The following ARMH3 variants were observed in gnomAD, a reference collection of about 807,000 sequenced individuals.
ARMH3 encodes the protein armadillo like helical domain containing 3.
A neutral mutation model predicts 99.1 loss-of-function variants in ARMH3; 60 were observed. The ratio of observed to expected loss-of-function variants is 0.61; its 90% CI spans 0.49 to 0.75. ARMH3 has a LOEUF of 0.75. Ranked by LOEUF, ARMH3 falls within the 30% of genes least tolerant of loss-of-function variation. The pLI is 0.00. For missense variants in ARMH3, 679 were observed against 843.1 expected (o/e 0.81, Z 2.41); for synonymous variants, 285 against 292.8 (o/e 0.97, Z 0.27).
intron 8 of ARMH3, 126 bp downstream of exon 8, chr10:102,023,351 T>A (rs2066929887): frequency 1.2e-6 from 1 of 832,796 alleles, no homozygotes; most frequent in African/African-American, 1.7e-5. Flanking sequence ...AGAATCTGGA[T>A]TATCAAAATT....
chr10:102,055,593 G>A (rs2067826436), intron 1 of ARMH3, among the ~76,000 whole-genome samples: 2 of 152,316 alleles, frequency 1.3e-5, no homozygotes, highest in African/African-American at 4.8e-5. Flanking sequence ...GTGGGTTAAA[G>A]CCTGTCAGAG....
intron 25 of ARMH3, among the ~76,000 whole-genome samples, chr10:101,848,705 T>C (rs2066516306): frequency 6.6e-6 from 1 of 152,118 alleles, no homozygotes; most frequent in Non-Finnish European, 1.5e-5. Flanking sequence ...TGAGCAGAAC[T>C]GAGTAAGGCC....
At chr10:101,906,673 G>C (rs1276464703) in intron 23 of ARMH3, among the ~76,000 whole-genome samples, 2 of 152,152 alleles carry the variant, frequency 1.3e-5, no homozygotes, top group African/African-American at 4.8e-5. Context: ...TAATTGGGAA[G>C]GTAAACATAG....
intron 24 of ARMH3, among the ~76,000 whole-genome samples, chr10:101,881,094 A>G (rs1216914481): frequency 6.6e-6 from 1 of 152,230 alleles, no homozygotes; most frequent in Non-Finnish European, 1.5e-5. Context: ...CTACTCCCAC[A>G]AATGAATAAC....
chr10:101,985,076 T>TACAC (rs796894243), intron 19 of ARMH3, among the ~76,000 whole-genome samples: 25,775 of 128,436 alleles, frequency 0.2, 2,534 homozygotes, highest in Non-Finnish European at 0.26. Flanking sequence ...TAAAAATATA[T>TACAC]ATACACACAC....
At chr10:101,998,916 T>C (rs1028528592) in intron 15 of ARMH3, among the ~76,000 whole-genome samples, 6 of 152,168 alleles carry the variant, frequency 3.9e-5, no homozygotes, top group African/African-American at 1.4e-4. Context: ...GCTTCTAAAG[T>C]GGAAATGGTT....
At chr10:101,950,826 T>C (rs942851611) in intron 22 of ARMH3, among the ~76,000 whole-genome samples, 3 of 152,180 alleles carry the variant, frequency 2.0e-5, no homozygotes, top group Non-Finnish European at 2.9e-5. Context: ...TCACCACTCA[T>C]GGGTAGGTTT....
chr10:101,982,938 T>G (rs1195460149), intron 19 of ARMH3, among the ~76,000 whole-genome samples: 2 of 152,122 alleles, frequency 1.3e-5, no homozygotes, highest in Non-Finnish European at 2.9e-5. Context: ...TTGGATCATC[T>G]CGAAACCATC....
chr10:102,019,885 G>A (rs555033751), intron 8 of ARMH3, among the ~76,000 whole-genome samples: 9 of 147,004 alleles, frequency 6.1e-5, no homozygotes, highest in Admixed American at 5.5e-4. Context: ...CCAAGATCAC[G>A]CCACTGCACT....
intron 22 of ARMH3, among the ~76,000 whole-genome samples, chr10:101,950,609 C>T (rs1196221933): frequency 1.3e-5 from 2 of 152,112 alleles, no homozygotes; most frequent in Non-Finnish European, 2.9e-5. Flanking sequence ...TAATATTGTT[C>T]CACAGTAAAA....
At chr10:101,927,872 A>G (rs1337085047) in intron 23 of ARMH3, among the ~76,000 whole-genome samples, 1 of 152,206 alleles carries the variant, frequency 6.6e-6, no homozygotes, top group African/African-American at 2.4e-5. Flanking sequence ...CAGGAGTTCA[A>G]GACCAGCCTG....
chr10:101,902,267 G>A (rs1589991104), intron 23 of ARMH3, among the ~76,000 whole-genome samples: 1 of 152,160 alleles, frequency 6.6e-6, no homozygotes, highest in Admixed American at 6.5e-5. Flanking sequence ...ACAAGGGGAA[G>A]GCTGTTAAGA....
intron 23 of ARMH3, among the ~76,000 whole-genome samples, chr10:101,903,120 A>C (rs2068020444): frequency 6.6e-6 from 1 of 152,330 alleles, no homozygotes; most frequent in Admixed American, 6.5e-5. Context: ...TAATTAAAGA[A>C]CTTTGTTTAT....
intron 23 of ARMH3, among the ~76,000 whole-genome samples, chr10:101,932,975 A>C (rs1843784633): frequency 6.6e-6 from 1 of 152,206 alleles, no homozygotes; most frequent in Admixed American, 6.5e-5. Context: ...TTACGAGGTC[A>C]GGAGATCGAG....
In ARMH3 at chr10:102,037,008, C is replaced by T. The variant is rs926803847; in HGVS notation, c.102+3005G>A. 1.6e-4 allele frequency among the ~76,000 whole-genome samples: 24 copies of T among 151,538 alleles called. 1 individual carries two copies. The highest frequency in any genetic ancestry group is 2.1e-4 in the South Asian group (1 of 4,812). ...TGGAGGCTGTAGTGAGCCGAGATCA[C>T]GCCACTGCACTCCAGCTTGGGCGAC... On this transcript the variant is annotated intron_variant, in intron 2 of 25. Transcript: ENST00000370033.
intron 24 of ARMH3, among the ~76,000 whole-genome samples, chr10:101,863,705 G>A (rs1206715659): frequency 4.6e-5 from 7 of 152,032 alleles, no homozygotes; most frequent in South Asian, 2.1e-4. Context: ...TGAGAGGATC[G>A]CTTGAGCCCA....
chr10:101,988,279 CT>C (rs1846605808), intron 19 of ARMH3, among the ~76,000 whole-genome samples: 1 of 152,258 alleles, frequency 6.6e-6, no homozygotes. Context: ...AGTTTCCTTT[CT>C]TTTAAAATGA....
rs1263204454 is a variant in ARMH3 at position 101,956,646 on chromosome 10, G to A, written c.1656C>T (p.Tyr552=). 1.2e-6 allele frequency: 2 copies of A among 1,613,676 alleles called. No individual in the cohort carries two copies. The highest frequency in any genetic ancestry group is 3.3e-5 in the Admixed American group (2 of 60,004). Residue 552 remains tyrosine, a synonymous_variant, in exon 22 of 26, where the codon TAC becomes TAT. Transcript: ENST00000370033. ...TCTGGTGCATGCGGATAATCTCATA[G>A]TAAAGTTCATCATAGCTGCTGGGGG... ...LPTPSSYDEL[Y]YEIIRMHQSF...
At chr10:101,885,811 T>C (rs2067526085) in intron 24 of ARMH3, among the ~76,000 whole-genome samples, 1 of 152,176 alleles carries the variant, frequency 6.6e-6, no homozygotes. Context: ...CCCAGCACTT[T>C]GGGAGCCCGA....
Sources: gnomAD v4.1 joint callset for allele counts (sites outside exome capture counted in the v4.1 genomes callset) on GRCh38, gnomAD v4.1.1 for gene constraint, MANE v1.5 for transcripts, NCBI Gene and HGNC (gene_info 2026-07-23, HGNC 2026-07-21) for gene names.